CHKA: variants seen among roughly 807,000 people sequenced by gnomAD.
The protein encoded by CHKA is CHETK-alpha.
CHKA carries 34 observed loss-of-function variants against 60.1 expected under a neutral mutation model. The observed-to-expected ratio is 0.57, with a 90% CI of 0.43 to 0.75. The LOEUF is 0.75. Among genes scored for constraint, CHKA ranks in the 30% least tolerant of loss-of-function variants. The pLI is 0.00. For synonymous variants in CHKA, 217 were observed against 223.1 expected (o/e 0.97, Z 0.24); for missense variants, 563 against 561.3 (o/e 1.00, Z -0.03).
intron 3 of CHKA, among the ~76,000 whole-genome samples, chr11:68,076,193 TTG>T (rs1856781898): frequency 6.6e-6 from 1 of 152,204 alleles, no homozygotes; most frequent in Admixed American, 6.5e-5. Context: ...GCCTGTGATC[TTG>T]TGAGGCTCAA....
At chr11:68,106,078 G>T (rs527868211) in intron 1 of CHKA, among the ~76,000 whole-genome samples, 109 of 151,852 alleles carry the variant, frequency 7.2e-4, no homozygotes, top group African/African-American at 2.6e-3. Context: ...AGGAAAATAA[G>T]AAAAAAAAGC....
chr11:68,066,741 C>G (rs1177282894), intron 7 of CHKA, among the ~76,000 whole-genome samples: 1 of 152,224 alleles, frequency 6.6e-6, no homozygotes, highest in Non-Finnish European at 1.5e-5. Context: ...AACCCCTGCT[C>G]ACAGCCCTAG....
Position 68,121,158 on chromosome 11 carries a change from G to C in CHKA, c.20C>G (p.Thr7Ser), listed in dbSNP as rs1055901995. The C allele has an allele frequency of 8.1e-5, 98 of 1,208,528 alleles. No individual in the cohort carries two copies. Among genetic ancestry groups the C allele is most frequent in the Non-Finnish European group, 9.6e-5 (93 of 964,222 alleles). The allele number at this position is 1,208,528 out of a possible 1,614,324, so 74.9% of individuals were successfully genotyped here. ...CGGCGAGGGCTCCGCCTCGCCCCCGGTGCAGAATTTGGTTTTCATGCCCGA... is the reference window on the plus strand; with the variant it reads ...CGGCGAGGGCTCCGCCTCGCCCCCGCTGCAGAATTTGGTTTTCATGCCCGA... Reference protein sequence around the residue: MKTKFCTGGEAEPSPLG... With the variant: MKTKFCSGGEAEPSPLG... Residue 7 changes from threonine to serine, a missense_variant, in exon 1 of 12, where the codon ACC becomes AGC. Transcript: ENST00000265689.
intron 2 of CHKA, among the ~76,000 whole-genome samples, chr11:68,091,402 A>C (rs1857345142): frequency 6.6e-6 from 1 of 152,212 alleles, no homozygotes; most frequent in Admixed American, 6.5e-5. Context: ...AATTTCCTAC[A>C]AATAATATTG....
In CHKA at chr11:68,121,286, A is replaced by AG; in HGVS notation, c.-110dup. On this transcript the variant is annotated 5_prime_UTR_variant, in exon 1 of 12. Transcript: ENST00000265689. ...TCTCTCACTGGCAGGCCGGCGGGGCAGGGGGCCGCGGCGGTTGGGCGCGCG... is the reference window on the plus strand; with the variant it reads ...TCTCTCACTGGCAGGCCGGCGGGGCAGGGGGGCCGCGGCGGTTGGGCGCGCG... 1.1e-6 allele frequency: 1 copy of AG among 922,352 alleles called. No individual in the cohort carries two copies. Among genetic ancestry groups the AG allele is most frequent in the Non-Finnish European group, 1.3e-6 (1 of 762,736 alleles). 57.1% of individuals were successfully genotyped at this position (922,352 alleles called of 1,614,324 possible).
Position 68,066,446 on chromosome 11 carries a change from G to A in CHKA, c.999C>T (p.Tyr333=), listed in dbSNP as rs1379793491. Reference sequence around the variant, plus strand: ...CACAGTACCTGTAATTGTAACTGCTGTATTCGAAATCAATGAGCATCAGTT... The same window carrying A: ...CACAGTACCTGTAATTGTAACTGCTATATTCGAAATCAATGAGCATCAGTT... ...KQKLMLIDFE[Y]SSYNYRGFDI... is the part of the protein sequence containing the mutation. Residue 333 remains tyrosine (Y), a synonymous_variant, in exon 8 of 12, where the codon TAC becomes TAT. Transcript: ENST00000265689. The A allele has an allele frequency of 1.2e-6, 2 of 1,613,240 alleles. No individual in the cohort carries two copies. The highest frequency in any genetic ancestry group is 2.7e-5 in the African/African-American group (2 of 74,930).
At chr11:68,107,775 C>T (rs1857969608) in intron 1 of CHKA, among the ~76,000 whole-genome samples, 1 of 152,122 alleles carries the variant, frequency 6.6e-6, no homozygotes, top group Non-Finnish European at 1.5e-5. Flanking sequence ...ACCCTTCCCA[C>T]CTAGGAGGTC....
At chr11:68,098,699 T>C (rs1857595003) in intron 1 of CHKA, among the ~76,000 whole-genome samples, 1 of 152,144 alleles carries the variant, frequency 6.6e-6, no homozygotes. Context: ...TTTATTTATT[T>C]ATTTATTTTT....
chr11:68,061,930 A>C (rs1286533851), intron 11 of CHKA, 23 bp downstream of exon 11: 12 of 1,518,362 alleles, frequency 7.9e-6, no homozygotes, highest in African/African-American at 2.8e-5. Context: ...AAAAAAAAAA[A>C]CAAAAACGCT....
chr11:68,083,217 G>A (rs936135443), intron 2 of CHKA, among the ~76,000 whole-genome samples: 1 of 152,146 alleles, frequency 6.6e-6, no homozygotes, highest in Non-Finnish European at 1.5e-5. Flanking sequence ...CACGAGGCAA[G>A]TGAGCCCAAC....
At chr11:68,077,890 C>T (rs1016139952) in intron 3 of CHKA, among the ~76,000 whole-genome samples, 6 of 152,188 alleles carry the variant, frequency 3.9e-5, no homozygotes, top group South Asian at 2.1e-4. Flanking sequence ...ACAAGTGTGA[C>T]GCCTTCAAGG....
intron 9 of CHKA, among the ~76,000 whole-genome samples, chr11:68,065,478 T>C (rs1196370146): frequency 1.3e-5 from 2 of 152,154 alleles, no homozygotes; most frequent in South Asian, 4.1e-4. Context: ...GGCAGGAGGA[T>C]CACTTGAGCC....
intron 1 of CHKA, among the ~76,000 whole-genome samples, chr11:68,100,843 C>T (rs537126028): frequency 1.2e-4 from 18 of 151,524 alleles, no homozygotes; most frequent in Non-Finnish European, 2.4e-4. Context: ...CTCACCCCTG[C>T]CCTCCAGACC....
chr11:68,060,484 T>A (rs551414268), intron 11 of CHKA, among the ~76,000 whole-genome samples: 1 of 152,256 alleles, frequency 6.6e-6, no homozygotes, highest in South Asian at 2.1e-4. Flanking sequence ...CTAATTTTTG[T>A]ATTTTTAGTA....
intron 8 of CHKA, among the ~76,000 whole-genome samples, 178 bp downstream of exon 8, chr11:68,066,235 TGCTAGGAACAAAGAAG>T (rs1434216491): frequency 6.6e-6 from 1 of 152,242 alleles, no homozygotes; most frequent in Non-Finnish European, 1.5e-5. Flanking sequence ...TAGCGCTGTC[TGCTAGGAACAAAGAAG>T]GCTGTGCTGC....
At chr11:68,055,712 T>C (rs1036176040) in intron 11 of CHKA, among the ~76,000 whole-genome samples, 3 of 152,102 alleles carry the variant, frequency 2.0e-5, no homozygotes, top group African/African-American at 7.2e-5. Flanking sequence ...TTACTGGCCA[T>C]GTGTTTCTCT....
rs577429390 is a variant in CHKA, at chr11:68,099,605, G to T, written c.351-2475C>A. ...GCAGGCCGACAGCGTGTAGATCAAA[G>T]GAACCAAAAGCAGCCTTAACCTTTC... On this transcript the variant is annotated intron_variant, in intron 1 of 11. Coordinates refer to ENST00000265689, the MANE Select transcript of CHKA (RefSeq NM_001277.3). Among the ~76,000 whole-genome samples, 4 of 151,848 alleles carry T rather than the reference G, an allele frequency of 2.6e-5. No homozygotes were observed. The South Asian group carries it at 8.3e-4, about 32-fold the overall frequency.
chr11:68,094,462 G>A (rs1480041736), intron 2 of CHKA, among the ~76,000 whole-genome samples: 2 of 152,158 alleles, frequency 1.3e-5, no homozygotes, highest in Non-Finnish European at 2.9e-5. Flanking sequence ...GATCACCTGA[G>A]CCCAGGAGGT....
chr11:68,084,395 C>CAT (rs1195770929), intron 2 of CHKA, among the ~76,000 whole-genome samples: 1 of 106,274 alleles, frequency 9.4e-6, no homozygotes, highest in African/African-American at 3.5e-5. Flanking sequence ...TATATACACA[C>CAT]ATATACGTAT....
Sources: gnomAD v4.1 joint callset for allele counts (sites outside exome capture counted in the v4.1 genomes callset) on GRCh38, gnomAD v4.1.1 for gene constraint, MANE v1.5 for transcripts, NCBI Gene and HGNC (gene_info 2026-07-23, HGNC 2026-07-21) for gene names.